Variants in SERPINB7 observed in about 807,000 individuals in gnomAD.
The protein encoded by SERPINB7 is serpin family B member 7.
SERPINB7 carries 31 observed loss-of-function variants against 37.4 expected under a neutral mutation model. That is an observed-to-expected ratio of 0.83 (90% CI 0.62 to 1.12). The LOEUF (loss-of-function observed/expected upper bound fraction) is 1.12, where lower values mean the gene tolerates loss of function less well. SERPINB7 is among the 50% of genes most tolerant of loss of function. The probability of loss-of-function intolerance (pLI) is 0.00; values close to 1 mark genes in which losing one functional copy is unlikely to be tolerated. For missense variants in SERPINB7, 521 were observed against 455.3 expected (o/e 1.14, Z -1.31); for synonymous variants, 163 against 166.1 (o/e 0.98, Z 0.14).
At chr18:63,755,321 T>C (rs2144579630) in intron 1 of SERPINB7, among the ~76,000 whole-genome samples, 1 of 152,320 alleles carries the variant, frequency 6.6e-6, no homozygotes, top group East Asian at 1.9e-4. Context: ...ATTCTTTTCA[T>C]TTCGTGTCCT....
chr18:63,777,695 A>G (rs2049262001), intron 1 of SERPINB7: 1 of 152,420 alleles, frequency 6.6e-6, no homozygotes, highest in African/African-American at 2.4e-5. Context: ...ACATTATTTA[A>G]AACTATCATG....
At chr18:63,781,643 A>AACATCATG (rs1423687535) in intron 1 of SERPINB7, among the ~76,000 whole-genome samples, 1 of 152,342 alleles carries the variant, frequency 6.6e-6, no homozygotes, top group African/African-American at 2.4e-5. Flanking sequence ...TTGCAGAAAC[A>AACATCATG]ACATCATGAA....
At chr18:63,802,603 G>A (rs1425183376) in intron 7 of SERPINB7, among the ~76,000 whole-genome samples, 1 of 152,120 alleles carries the variant, frequency 6.6e-6, no homozygotes, top group Non-Finnish European at 1.5e-5. Context: ...GTGTATGTAT[G>A]TGCACACACA....
At chr18:63,765,500 GA>G (rs2049175991) in intron 1 of SERPINB7, among the ~76,000 whole-genome samples, 1 of 152,072 alleles carries the variant, frequency 6.6e-6, no homozygotes, top group African/African-American at 2.4e-5. Flanking sequence ...AGTAAGATAA[GA>G]ATAAGCCATC....
chr18:63,755,066 AT>A (rs1193871330), intron 1 of SERPINB7, among the ~76,000 whole-genome samples: 5 of 151,544 alleles, frequency 3.3e-5, no homozygotes, highest in Non-Finnish European at 5.9e-5. Context: ...CGCCCGGCTA[AT>A]TTTTTGTATT....
intron 1 of SERPINB7, among the ~76,000 whole-genome samples, chr18:63,768,647 C>T (rs184927564): frequency 1.5e-3 from 231 of 152,176 alleles, no homozygotes; most frequent in African/African-American, 5.4e-3. Context: ...CTTTATTGAA[C>T]TACAATTATG....
intron 4 of SERPINB7, 89 bp from the exon 5 acceptor site, chr18:63,796,177 G>A: frequency 1.5e-6 from 1 of 680,626 alleles, no homozygotes; most frequent in South Asian, 2.0e-5. Context: ...TTTGAATAAA[G>A]CAGTCGAAAT....
chr18:63,757,849 C>G (rs1352726082), intron 1 of SERPINB7, among the ~76,000 whole-genome samples: 1 of 152,214 alleles, frequency 6.6e-6, no homozygotes, highest in African/African-American at 2.4e-5. Flanking sequence ...AGCACCCCTT[C>G]AAGTCCAGAA....
chr18:63,799,872 G>A (rs1231517454), intron 6 of SERPINB7, among the ~76,000 whole-genome samples: 1 of 152,136 alleles, frequency 6.6e-6, no homozygotes, highest in African/African-American at 2.4e-5. Flanking sequence ...TTACAGAAAT[G>A]TTGACAAGTT....
At position 63,804,986 on chromosome 18, in the gene SERPINB7, T is replaced by A. The variant is rs913195286; in HGVS notation, c.*351T>A. On this transcript the variant is annotated 3_prime_UTR_variant, in exon 8 of 8. Transcript: ENST00000398019. ...GCCCTAGGGATCCTTTTTGAAACTC[T>A]ACAGTTATCGCAGATATTCTAGCTT... 4.8e-6 allele frequency: 1 copy of A among 209,374 alleles called. No individual in the cohort carries two copies. Among genetic ancestry groups the A allele is most frequent in the Non-Finnish European group, 9.6e-6 (1 of 104,548 alleles). The allele number at this position is 209,374 out of a possible 1,614,324, so 13.0% of individuals were successfully genotyped here.
chr18:63,768,077 G>A (rs560322215), intron 1 of SERPINB7, among the ~76,000 whole-genome samples: 33 of 152,060 alleles, frequency 2.2e-4, no homozygotes, highest in Admixed American at 1.8e-3. Flanking sequence ...TGACAGTCTC[G>A]TTAGGGGTTA....
At chr18:63,793,485 T>TC (rs1395946450) in intron 4 of SERPINB7, among the ~76,000 whole-genome samples, 1 of 152,222 alleles carries the variant, frequency 6.6e-6, no homozygotes, top group African/African-American at 2.4e-5. Flanking sequence ...TTCATTAGAC[T>TC]GATAGGCTTC....
At chr18:63,773,166 T>A (rs1001953424), upstream of SERPINB7, among the ~76,000 whole-genome samples, 6 of 152,056 alleles carry the variant, frequency 3.9e-5, no homozygotes, top group African/African-American at 1.4e-4. Context: ...CATGATAGAA[T>A]CTGCAATTAA....
intron 1 of SERPINB7, among the ~76,000 whole-genome samples, chr18:63,778,625 C>A (rs547077949): frequency 2.0e-5 from 3 of 151,912 alleles, no homozygotes; most frequent in Non-Finnish European, 4.4e-5. Context: ...GTGTTTTGTG[C>A]CTGAATTTTC....
chr18:63,759,482 C>A (rs2049140624), intron 1 of SERPINB7, among the ~76,000 whole-genome samples: 1 of 151,970 alleles, frequency 6.6e-6, no homozygotes, highest in Admixed American at 6.6e-5. Flanking sequence ...TCCTTCTTTT[C>A]TTTTTTATTG....
chr18:63,761,755 C>T lies in SERPINB7; in HGVS notation c.-19+8635C>T, dbSNP rs994504623. Among the ~76,000 whole-genome samples the T allele has an allele frequency of 1.1e-4, 16 of 152,172 alleles. No individual in the cohort carries two copies. The East Asian group carries it at 1.7e-3, about 17-fold the overall frequency. On this transcript the variant is annotated intron_variant, in intron 1 of 7. Transcript: ENST00000336429. ...CTTCTTCCTCATTTTCTCTTGCTGC[C>T]GCCATGTAAGAAGTGCCTTTCACCT... is the stretch of plus-strand genomic sequence containing the variant.
chr18:63,797,822 AG>A (rs1293436830), intron 5 of SERPINB7, among the ~76,000 whole-genome samples: 2 of 152,212 alleles, frequency 1.3e-5, no homozygotes, highest in Non-Finnish European at 2.9e-5. Flanking sequence ...CTTCATTATC[AG>A]GCCCTTGCTT....
chr18:63,774,920 A>C (rs1220511771), upstream of SERPINB7, among the ~76,000 whole-genome samples: 1 of 152,130 alleles, frequency 6.6e-6, no homozygotes, highest in Non-Finnish European at 1.5e-5. Context: ...AGAGGTCCAG[A>C]TGAAAATCTG....
At position 63,792,457 on chromosome 18, in the gene SERPINB7, G is replaced by A; in HGVS notation, c.219+14G>A. On this transcript the variant is annotated intron_variant, in intron 3 of 7. Coordinates refer to ENST00000398019, the MANE Select transcript of SERPINB7 (RefSeq NM_003784.4). The stretch of plus-strand genomic sequence containing the variant: ...TCTAATAGTCAGGTAAAGACAATAT[G>A]TTCTTTTAGAAAAAGAGAAGGTGAG... The A allele has an allele frequency of 6.4e-7, 1 of 1,564,528 alleles. No individual in the cohort carries two copies. The highest frequency in any genetic ancestry group is 2.2e-5 in the East Asian group (1 of 44,500).
Sources: allele counts gnomAD v4.1 joint callset (sites outside exome capture counted in the v4.1 genomes callset), GRCh38; gene constraint gnomAD v4.1.1; transcripts MANE v1.5; gene names NCBI Gene and HGNC (gene_info 2026-07-23, HGNC 2026-07-21).